SCHIP1: variants seen among roughly 807,000 people sequenced by gnomAD.
SCHIP1 encodes the protein schwannomin interacting protein 1, also known as schwannomin-interacting protein 1.
SCHIP1 carries 8 observed loss-of-function variants against 29.7 expected under a neutral mutation model. The ratio of observed to expected loss-of-function variants is 0.27; its 90% CI spans 0.16 to 0.49. The LOEUF (loss-of-function observed/expected upper bound fraction) is 0.49. Ranked by LOEUF, SCHIP1 falls within the 20% of genes least tolerant of loss-of-function variation. The pLI, the probability that SCHIP1 is intolerant of heterozygous loss-of-function variation, is 0.99. For synonymous variants in SCHIP1, 76 were observed against 94.9 expected (o/e 0.80, Z 1.16); for missense variants, 193 against 294.6 (o/e 0.66, Z 2.52).
the SCHIP1 span, among the ~76,000 whole-genome samples, chr3:159,306,035 G>A: frequency 2.6e-5 from 4 of 152,170 alleles, no homozygotes; most frequent in African/African-American, 7.2e-5. Flanking sequence ...GGAACCAGGA[G>A]CTTCTTACCC....
chr3:159,727,690 T>A, the SCHIP1 span, among the ~76,000 whole-genome samples: 1 of 152,140 alleles, frequency 6.6e-6, no homozygotes, highest in Non-Finnish European at 1.5e-5. Flanking sequence ...CTAGTGTGGG[T>A]CTGGGGAACA....
the SCHIP1 span, among the ~76,000 whole-genome samples, chr3:159,408,345 A>C: frequency 6.6e-6 from 1 of 151,896 alleles, no homozygotes; most frequent in Non-Finnish European, 1.5e-5. Flanking sequence ...ATTAATTAAA[A>C]TGAAGAAAAC....
At chr3:159,306,735 G>T in the SCHIP1 span, 31,922 of 178,448 alleles carry the variant, frequency 0.18, 3,152 homozygotes, top group Middle Eastern at 0.27. Flanking sequence ...CTTAGTAGAA[G>T]TAAGTACCAG....
the SCHIP1 span, among the ~76,000 whole-genome samples, chr3:159,776,275 T>C: frequency 6.6e-6 from 1 of 152,048 alleles, no homozygotes; most frequent in Non-Finnish European, 1.5e-5. Flanking sequence ...TAATTTTTGG[T>C]CCATTTTGAC....
the SCHIP1 span, among the ~76,000 whole-genome samples, chr3:159,371,916 C>T: frequency 3.9e-5 from 6 of 152,258 alleles, no homozygotes; most frequent in East Asian, 1.2e-3. Flanking sequence ...GCAGAACCCA[C>T]AGACACAGAA....
intron 6 of SCHIP1, chr3:159,892,781 G>A (rs1717671696): frequency 6.5e-6 from 1 of 153,178 alleles, no homozygotes; most frequent in African/African-American, 2.4e-5. Context: ...CTAGGCTAAT[G>A]CTGGTCAAAA....
intron 4 of SCHIP1, chr3:159,888,166 C>A (rs1000426226): frequency 4.0e-6 from 2 of 497,494 alleles, no homozygotes; most frequent in Non-Finnish European, 7.2e-6. Context: ...TTAGCTGCCA[C>A]GGGAATATTT....
At chr3:159,509,980 C>T in the SCHIP1 span, among the ~76,000 whole-genome samples, 1 of 152,024 alleles carries the variant, frequency 6.6e-6, no homozygotes, top group African/African-American at 2.4e-5. Flanking sequence ...ATCTTTGTGG[C>T]ATTCTCTGTA....
chr3:159,375,729 A>AAAATAAATAAATAAAT, the SCHIP1 span: 5,235 of 782,168 alleles, frequency 6.7e-3, 80 homozygotes, highest in African/African-American at 0.04. Flanking sequence ...ACTCCGTCTC[A>AAAATAAATAAATAAAT]AAATAAATAA....
the SCHIP1 span, among the ~76,000 whole-genome samples, chr3:159,518,246 A>C: frequency 6.6e-6 from 1 of 152,106 alleles, no homozygotes; most frequent in Admixed American, 6.6e-5. Context: ...ATAAAAACAC[A>C]CCTATGAAAG....
chr3:159,497,014 C>G, the SCHIP1 span, among the ~76,000 whole-genome samples: 1 of 152,104 alleles, frequency 6.6e-6, no homozygotes, highest in Non-Finnish European at 1.5e-5. Context: ...GACAAAAAGC[C>G]AAACACCACA....
chr3:159,405,912 T>C, the SCHIP1 span, among the ~76,000 whole-genome samples: 1 of 141,584 alleles, frequency 7.1e-6, no homozygotes, highest in Admixed American at 7.1e-5. Context: ...AAAAGGAAAA[T>C]GCACAGAGAA....
the SCHIP1 span, among the ~76,000 whole-genome samples, chr3:159,395,085 T>A: frequency 1.1e-4 from 16 of 152,216 alleles, no homozygotes; most frequent in Admixed American, 1.0e-3. Flanking sequence ...TCTTGTAGAT[T>A]TTCTAGTTTA....
chr3:159,426,560 A>C, the SCHIP1 span, among the ~76,000 whole-genome samples: 28 of 152,348 alleles, frequency 1.8e-4, 1 homozygote, highest in African/African-American at 4.6e-4. Context: ...CCAACGAAAA[A>C]GAGTCCAGGA....
the SCHIP1 span, among the ~76,000 whole-genome samples, chr3:159,550,108 AAATT>A: frequency 0.012 from 1,792 of 151,932 alleles, 28 homozygotes; most frequent in African/African-American, 0.028. Context: ...TATCTTAAGA[AAATT>A]AATTATCTTA....
chr3:159,511,544 C>A, the SCHIP1 span, among the ~76,000 whole-genome samples: 1 of 152,174 alleles, frequency 6.6e-6, no homozygotes, highest in Non-Finnish European at 1.5e-5. Flanking sequence ...AGAAATCACC[C>A]ATCTTCTGTG....
intron 1 of SCHIP1, among the ~76,000 whole-genome samples, chr3:159,850,294 C>T (rs1712414087): frequency 6.6e-6 from 1 of 152,118 alleles, no homozygotes; most frequent in African/African-American, 2.4e-5. Context: ...TGGCTTACAC[C>T]TGTAATCCCA....
chr3:159,519,165 TA>T, the SCHIP1 span, among the ~76,000 whole-genome samples: 7 of 151,712 alleles, frequency 4.6e-5, no homozygotes, highest in East Asian at 3.9e-4. Flanking sequence ...ATGATCAGGT[TA>T]AAAAAAAATT....
At chr3:159,860,819 T>A (rs1713980232) in intron 1 of SCHIP1, among the ~76,000 whole-genome samples, 1 of 152,176 alleles carries the variant, frequency 6.6e-6, no homozygotes, top group African/African-American at 2.4e-5. Context: ...GCCTTTCTCA[T>A]CTACTGGATC....
Sources: allele counts gnomAD v4.1 joint callset (sites outside exome capture counted in the v4.1 genomes callset), GRCh38; gene constraint gnomAD v4.1.1; transcripts MANE v1.5; gene names NCBI Gene and HGNC (gene_info 2026-07-23, HGNC 2026-07-21).